HEATR4: variants seen among roughly 807,000 people sequenced by gnomAD.
HEATR4 encodes the protein HEAT repeat containing 4.
HEATR4 carries 95 observed loss-of-function variants against 108.8 expected under a neutral mutation model. The observed-to-expected ratio is 0.87, with a 90% CI of 0.74 to 1.04. HEATR4 has a LOEUF of 1.04. HEATR4 is among the 50% of genes least tolerant of loss of function. The pLI, the probability that HEATR4 is intolerant of heterozygous loss-of-function variation, is 0.00. For synonymous variants in HEATR4, 443 were observed against 459.4 expected, an observed-to-expected ratio of 0.96 and a Z score of 0.46; for missense variants, 1,152 against 1,253.8, an observed-to-expected ratio of 0.92 and a Z score of 1.23.
At chr14:73,574,263 ATTTT>A in the HEATR4 span, 15 of 107,464 alleles carry the variant, frequency 1.4e-4, no homozygotes, top group South Asian at 2.9e-4. Context: ...AAATTCCAGT[ATTTT>A]TTTTTTTTTT....
At chr14:73,527,852 G>A (rs1022339362) in intron 2 of HEATR4, among the ~76,000 whole-genome samples, 5 of 149,978 alleles carry the variant, frequency 3.3e-5, no homozygotes, top group African/African-American at 1.2e-4. Flanking sequence ...GGTGGCAGGT[G>A]CCTGTAATCC....
At position 73,539,655 on chromosome 14, in the gene HEATR4, A is replaced by AGCTGCGGTGCT. The variant is rs1486802732; in HGVS notation, c.-151-9422_-151-9412dup. On this transcript the variant is annotated intron_variant, in intron 1 of 17. Transcript: ENST00000553558. ...GTGAGGTACTGCTTCCAGACCAGGAAGCTGCGGTGCTGCTGCAGTGTCACA... is the reference window on the plus strand; with the variant it reads ...GTGAGGTACTGCTTCCAGACCAGGAAGCTGCGGTGCTGCTGCGGTGCTGCTGCAGTGTCACA... 1.7e-5 allele frequency: 2 copies of AGCTGCGGTGCT among 117,164 alleles called. 1 individual carries two copies. Among genetic ancestry groups the AGCTGCGGTGCT allele is most frequent in the Non-Finnish European group, 3.7e-5 (2 of 53,508 alleles). The allele number at this position is 117,164 out of a possible 1,614,324, so 7.3% of individuals were successfully genotyped here.
chr14:73,585,820 C>CTTTTTTTT, the HEATR4 span, among the ~76,000 whole-genome samples: 4 of 115,536 alleles, frequency 3.5e-5, no homozygotes, highest in East Asian at 2.4e-4. Flanking sequence ...TTGTCTTTTT[C>CTTTTTTTT]TTTTTTTTTT....
At chr14:73,517,919 C>T (rs979763239) in intron 5 of HEATR4, among the ~76,000 whole-genome samples, 1 of 151,920 alleles carries the variant, frequency 6.6e-6, no homozygotes, top group Non-Finnish European at 1.5e-5. Flanking sequence ...AACCCCGTCT[C>T]TACTAAAAAT....
the HEATR4 span, among the ~76,000 whole-genome samples, chr14:73,621,767 T>TTC: frequency 6.3e-4 from 90 of 142,928 alleles, 1 homozygote; most frequent in Non-Finnish European, 1.0e-3. Flanking sequence ...CTTTCTTTTT[T>TTC]TTTTTTTTTT....
chr14:73,556,682 C>G (rs1889401503), intron 1 of HEATR4, among the ~76,000 whole-genome samples: 1 of 114,422 alleles, frequency 8.7e-6, no homozygotes, highest in African/African-American at 2.8e-5. Flanking sequence ...TCTGTAGTTT[C>G]CCAATCTGAA....
the HEATR4 span, among the ~76,000 whole-genome samples, chr14:73,576,932 C>CTTTTT: frequency 4.4e-5 from 4 of 91,570 alleles, no homozygotes; most frequent in African/African-American, 6.7e-5. Context: ...CTTTTCTTTT[C>CTTTTT]TTTTTTTTTT....
At position 73,541,593 on chromosome 14, in the gene HEATR4, G is replaced by A. The variant is rs146831859; in HGVS notation, c.-151-11349C>T. On this transcript the variant is annotated intron_variant, in intron 1 of 17. Coordinates refer to ENST00000553558, the MANE Select transcript of HEATR4 (RefSeq NM_001220484.1). ...TGGCTGGGAAGGGTTTTGCTGTGAT[G>A]GCTCTGGCTTACTATAACTATGAAG... is the stretch of plus-strand genomic sequence containing the variant. 248 of 1,243,854 alleles carry A rather than the reference G, an allele frequency of 2.0e-4. 74 individuals carry two copies. Among genetic ancestry groups the A allele is most frequent in the Non-Finnish European group, 2.6e-4 (239 of 936,204 alleles). 77.1% of individuals were successfully genotyped at this position (1,243,854 alleles called of 1,614,324 possible).
In HEATR4 at chr14:73,530,968, TG is replaced by T. The variant is rs1413052420; in HGVS notation, c.-151-725del. On this transcript the variant is annotated intron_variant, in intron 1 of 17. Transcript: ENST00000553558. ...GTCCTGATTTTATAAATCCCAAAAC[TG>T]GGGCCCAGAGAGGAGAGAAATCATT... The T allele has an allele frequency of 2.0e-5, 2 of 98,988 alleles. 1 individual carries two copies. The highest frequency in any genetic ancestry group is 6.6e-5 in the African/African-American group (2 of 30,534). 6.1% of individuals were successfully genotyped at this position (98,988 alleles called of 1,614,324 possible).
intron 17 of HEATR4, chr14:73,490,837 A>C: frequency 1.8e-6 from 1 of 563,888 alleles, no homozygotes; most frequent in Non-Finnish European, 2.7e-6. Flanking sequence ...CTACAGCTTG[A>C]AGCCAAACAT....
At chr14:73,569,406 A>G in the HEATR4 span, 3 of 1,613,936 alleles carry the variant, frequency 1.9e-6, no homozygotes, top group East Asian at 6.7e-5. Context: ...GGTTGGTCAG[A>G]TCATTAGGGT....
At chr14:73,620,688 C>T in the HEATR4 span, among the ~76,000 whole-genome samples, 1 of 152,066 alleles carries the variant, frequency 6.6e-6, no homozygotes, top group Non-Finnish European at 1.5e-5. Flanking sequence ...CTGCCCCAGC[C>T]TTCCGAGTAT....
rs1453140832 is a variant in HEATR4, at chr14:73,522,720, CG to C, written c.432del (p.Glu145LysfsTer4). The C allele has an allele frequency of 1.2e-6, 2 of 1,614,078 alleles. No individual in the cohort carries two copies. Among genetic ancestry groups the C allele is most frequent in the Non-Finnish European group, 1.7e-6 (2 of 1,180,036 alleles). On this transcript the variant is annotated frameshift_variant, in exon 3 of 18. Transcript: ENST00000553558. LOFTEE classifies it high-confidence loss of function. ...GGCTTTGATTTCTTCAGCTTCTTTT[CG>C]GGATTGGCAGAGCTTTCTGTCTTCA... is the stretch of plus-strand genomic sequence containing the variant. ...LAVKTESSAN[P>X]EKKLKKSKPA...
At chr14:73,496,736 G>T in intron 14 of HEATR4, 57 bp from the exon 15 acceptor site, 1 of 956,590 alleles carries the variant, frequency 1.0e-6, no homozygotes, top group South Asian at 1.3e-5. Context: ...AAAAAGTATG[G>T]GGGTAGAAAA....
intron 9 of HEATR4, among the ~76,000 whole-genome samples, chr14:73,506,806 T>TTTTTTTTTTTTTGTTTG (rs1886874296): frequency 6.1e-5 from 4 of 65,916 alleles, no homozygotes; most frequent in African/African-American, 2.3e-4. Context: ...CTTTAACTGT[T>TTTTTTTTTTTTTGTTTG]TTTTTTTTTT....
Position 73,548,616 on chromosome 14 carries a change from G to A in HEATR4, c.-152+10135C>T, listed in dbSNP as rs1367912934. On this transcript the variant is annotated intron_variant, in intron 1 of 17. Transcript: ENST00000553558. Reference sequence around the variant, plus strand: ...AGCACAGAATGGGAAAAGAAAGGGCGTGGAGGTTCAGCACATTCTGAGGGT... The same window carrying A: ...AGCACAGAATGGGAAAAGAAAGGGCATGGAGGTTCAGCACATTCTGAGGGT... Among the ~76,000 whole-genome samples, 13 of 115,716 alleles carry A rather than the reference G, an allele frequency of 1.1e-4. 4 individuals carry two copies. Among genetic ancestry groups the A allele is most frequent in the Non-Finnish European group, 2.3e-4 (12 of 52,928 alleles). The allele number at this position is 115,716 out of a possible 152,430, so 75.9% of individuals were successfully genotyped here.
chr14:73,514,669 G>A (rs1382406109), intron 5 of HEATR4, among the ~76,000 whole-genome samples: 1 of 152,146 alleles, frequency 6.6e-6, no homozygotes, highest in African/African-American at 2.4e-5. Context: ...GAGAATAATA[G>A]TGCTATAAGC....
chr14:73,518,898 G>A, intron 5 of HEATR4, 125 bp downstream of exon 5: 1 of 854,088 alleles, frequency 1.2e-6, no homozygotes, highest in Non-Finnish European at 1.8e-6. Flanking sequence ...AAAGGGGATT[G>A]CCTAGATGCT....
chr14:73,497,561 C>CTTGTTGG (rs1886179345), intron 14 of HEATR4, among the ~76,000 whole-genome samples: 1 of 152,156 alleles, frequency 6.6e-6, no homozygotes, highest in Admixed American at 6.5e-5. Context: ...GTCTTTTTGA[C>CTTGTTGG]TCTAAAACTT....
Sources: allele counts gnomAD v4.1 joint callset (sites outside exome capture counted in the v4.1 genomes callset), GRCh38; gene constraint gnomAD v4.1.1; transcripts MANE v1.5; gene names NCBI Gene and HGNC (gene_info 2026-07-23, HGNC 2026-07-21).